The following RANBP2 variants were observed in gnomAD, a reference collection of about 807,000 sequenced individuals.
RANBP2 encodes RAN binding protein 2.
A neutral mutation model predicts 303.6 loss-of-function variants in RANBP2; 57 were observed. That is an observed-to-expected ratio of 0.19 (90% CI 0.15 to 0.23). The LOEUF (loss-of-function observed/expected upper bound fraction) is 0.23. Among genes scored for constraint, RANBP2 ranks in the 10% least tolerant of loss-of-function variants. The probability of loss-of-function intolerance (pLI) is 1.00; values close to 1 mark genes in which losing one functional copy is unlikely to be tolerated. For synonymous variants in RANBP2, 1,167 were observed against 1,301.5 expected (o/e 0.90, Z 2.23); for missense variants, 3,138 against 3,780.8 (o/e 0.83, Z 4.46).
the RANBP2 span, among the ~76,000 whole-genome samples, chr2:109,085,905 C>T: frequency 6.6e-6 from 1 of 152,262 alleles, no homozygotes; most frequent in East Asian, 1.9e-4. Flanking sequence ...ACACCTGGCC[C>T]ATCAAAACCA....
chr2:109,068,015 C>A, the RANBP2 span, among the ~76,000 whole-genome samples: 4 of 152,232 alleles, frequency 2.6e-5, no homozygotes, highest in Admixed American at 2.0e-4. Context: ...CACATCCCCA[C>A]ACACCTGCCT....
the RANBP2 span, among the ~76,000 whole-genome samples, chr2:109,384,832 A>T: frequency 6.6e-6 from 1 of 152,026 alleles, no homozygotes; most frequent in Non-Finnish European, 1.5e-5. Flanking sequence ...CCTCAGGGTA[A>T]CTCCAACCCG....
the RANBP2 span, among the ~76,000 whole-genome samples, chr2:109,177,161 C>G: frequency 2.0e-5 from 3 of 152,302 alleles, no homozygotes; most frequent in South Asian, 6.2e-4. Flanking sequence ...TCTTTACAGA[C>G]ACACTCAGCC....
At chr2:109,528,439 A>G in the RANBP2 span, among the ~76,000 whole-genome samples, 7,110 of 152,280 alleles carry the variant, frequency 0.047, 563 homozygotes, top group African/African-American at 0.16. Context: ...CAATCCTTCC[A>G]TGCCCTGCCC....
the RANBP2 span, among the ~76,000 whole-genome samples, chr2:109,611,751 T>C: frequency 6.6e-6 from 1 of 152,082 alleles, no homozygotes; most frequent in Non-Finnish European, 1.5e-5. Context: ...TGGGTGACAA[T>C]ACGAGAAATC....
downstream of RANBP2, chr2:108,789,053 C>G (rs1382655755): frequency 6.3e-6 from 9 of 1,426,244 alleles, no homozygotes; most frequent in Non-Finnish European, 8.8e-6. Flanking sequence ...TATTTTTGCT[C>G]TTTCCTGAGG....
At chr2:109,062,382 C>A in the RANBP2 span, among the ~76,000 whole-genome samples, 3 of 152,080 alleles carry the variant, frequency 2.0e-5, no homozygotes, top group African/African-American at 7.2e-5. Context: ...AGAGACACAC[C>A]CTGGGCCCCT....
chr2:109,440,311 G>A, the RANBP2 span, among the ~76,000 whole-genome samples: 6,065 of 152,244 alleles, frequency 0.04, 428 homozygotes, highest in African/African-American at 0.14. Flanking sequence ...CTCTTGGGCC[G>A]CCGAGGCCAG....
Position 108,753,916 on chromosome 2 carries a change from A to G in RANBP2, c.2147A>G (p.Asp716Gly), listed in dbSNP as rs771554716. The G allele has an allele frequency of 3.9e-5, 63 of 1,611,910 alleles. No homozygotes were observed. Among genetic ancestry groups the G allele is most frequent in the Admixed American group, 8.3e-5 (5 of 59,982 alleles). The change falls in exon 15 of 29, where the codon GAC (aspartate) becomes GGC (glycine). Residue 716 changes from aspartate (D) to glycine (G), a missense_variant. By Grantham distance (94) the Asp-to-Gly change is moderately conservative. This residue lies in a region of RANBP2 where 194 missense variants were observed against 197.4 expected (regional missense o/e 0.98). Transcript: ENST00000283195. ...ECKNYLRKTR[D>G]YLIKIIDDSD... Reference sequence around the variant, plus strand: ...AAAAATTATCTGAGAAAGACCAGGGACTACCTAATAAAGATTATAGATGAC... The same window carrying G: ...AAAAATTATCTGAGAAAGACCAGGGGCTACCTAATAAAGATTATAGATGAC...
chr2:109,728,216 T>C, the RANBP2 span, among the ~76,000 whole-genome samples: 1 of 152,180 alleles, frequency 6.6e-6, no homozygotes, highest in Non-Finnish European at 1.5e-5. Context: ...GCTATGTATG[T>C]AAGCCATCTC....
chr2:109,576,113 A>C, the RANBP2 span, among the ~76,000 whole-genome samples: 1 of 152,148 alleles, frequency 6.6e-6, no homozygotes, highest in Admixed American at 6.5e-5. Flanking sequence ...AACTTTAAAA[A>C]TCAGCCAGGC....
At chr2:109,303,444 T>C in the RANBP2 span, among the ~76,000 whole-genome samples, 1 of 152,188 alleles carries the variant, frequency 6.6e-6, no homozygotes, top group African/African-American at 2.4e-5. Context: ...TTGTGTAGAC[T>C]GGTACATGGC....
the RANBP2 span, among the ~76,000 whole-genome samples, chr2:109,090,404 A>G: frequency 2.0e-5 from 3 of 152,082 alleles, no homozygotes; most frequent in Non-Finnish European, 2.9e-5. Flanking sequence ...AGAGCCTATG[A>G]AAAGTCCCTA....
the RANBP2 span, among the ~76,000 whole-genome samples, chr2:108,899,006 C>G: frequency 2.0e-5 from 3 of 152,258 alleles, no homozygotes; most frequent in African/African-American, 7.2e-5. Context: ...TAAATAAATA[C>G]TCAAATAAAT....
the RANBP2 span, among the ~76,000 whole-genome samples, chr2:109,411,649 G>A: frequency 1.3e-4 from 20 of 152,238 alleles, no homozygotes; most frequent in African/African-American, 3.9e-4. Flanking sequence ...CCAGCCCAGC[G>A]TTGCCTCCTA....
chr2:109,304,945 G>C, the RANBP2 span, among the ~76,000 whole-genome samples: 3 of 152,292 alleles, frequency 2.0e-5, no homozygotes, highest in Admixed American at 6.5e-5. Flanking sequence ...TGTCCTGTCT[G>C]TAAAATCAGC....
At chr2:109,311,734 T>C in the RANBP2 span, among the ~76,000 whole-genome samples, 5 of 152,194 alleles carry the variant, frequency 3.3e-5, no homozygotes, top group Non-Finnish European at 5.9e-5. Context: ...CTTGTCTGAC[T>C]TCACTCTGAA....
chr2:108,742,177 G>C (rs1234176878), intron 7 of RANBP2, among the ~76,000 whole-genome samples: 1 of 151,420 alleles, frequency 6.6e-6, no homozygotes, highest in Non-Finnish European at 1.5e-5. Context: ...TGTATTTTTA[G>C]TAGAGACGGG....
chr2:108,823,079 C>T, the RANBP2 span, among the ~76,000 whole-genome samples: 1 of 152,130 alleles, frequency 6.6e-6, no homozygotes, highest in Non-Finnish European at 1.5e-5. Context: ...AAAAACACAG[C>T]TTTCCAAGAC....
Sources: gnomAD v4.1 joint callset for allele counts (sites outside exome capture counted in the v4.1 genomes callset) on GRCh38, gnomAD v4.1.1 for gene constraint, gnomAD v4.1.1 regional missense constraint, MANE v1.5 for transcripts, NCBI Gene and HGNC (gene_info 2026-07-23, HGNC 2026-07-21) for gene names.